Variants in LOX observed in about 807,000 individuals in gnomAD.
The protein encoded by LOX is lysyl oxidase.
A neutral mutation model predicts 50.5 loss-of-function variants in LOX; 12 were observed. The observed-to-expected ratio is 0.24, with a 90% confidence interval of 0.15 to 0.38. LOX has a LOEUF of 0.38. Ranked by LOEUF, LOX falls within the 10% of genes least tolerant of loss-of-function variation. The pLI is 1.00. For missense variants in LOX, 504 were observed against 563.8 expected (o/e 0.89, Z 1.07); for synonymous variants, 254 against 230.6 (o/e 1.10, Z -0.92).
In LOX at chr5:122,077,229, A is replaced by T; in HGVS notation, c.631+126T>A. On this transcript the variant is annotated intron_variant, in intron 1 of 6. Coordinates refer to ENST00000231004, the MANE Select transcript of LOX (RefSeq NM_002317.7). The surrounding 1 kb of genome is among the most constrained non-coding windows in gnomAD (Gnocchi z 4.9). ...CACTGGATTCCAGGGCTGCCACTGC[A>T]GGCGCGTGGGGGAGGGATCGGATCT... 1 of 1,503,452 alleles carries T rather than the reference A, an allele frequency of 6.7e-7. No homozygotes were observed. Among genetic ancestry groups the T allele is most frequent in the South Asian group, 1.3e-5 (1 of 76,024 alleles). 93.1% of individuals were successfully genotyped at this position (1,503,452 alleles called of 1,614,324 possible).
At position 122,076,951 on chromosome 5, in the gene LOX, C is replaced by A. The variant is rs749942260; in HGVS notation, c.682G>T (p.Val228Leu). 5 of 1,613,876 alleles carry A rather than the reference C, an allele frequency of 3.1e-6. No homozygotes were observed. Among genetic ancestry groups the A allele is most frequent in the Non-Finnish European group, 4.2e-6 (5 of 1,179,974 alleles). Residue 228 changes from valine (V) to leucine (L), a missense_variant, in exon 2 of 7, where the codon GTG becomes TTG. Around this residue, in one of 2 missense-constraint regions of LOX, gnomAD observed 398 missense variants for 365.8 expected, o/e 1.09. Coordinates refer to ENST00000231004, the MANE Select transcript of LOX (RefSeq NM_002317.7). ...AGGTTGTACATGGACATCTTCTGCA[C>A]GTACGTGGACGCCTGGATGTAGTAG... ...DPYYIQASTY[V>L]QKMSMYNLRC...
chr5:122,077,016 G>A lies in LOX; in HGVS notation c.632-15C>T, dbSNP rs1171446971. The A allele has an allele frequency of 1.2e-6, 2 of 1,611,812 alleles. No individual in the cohort carries two copies. The highest frequency in any genetic ancestry group is 1.1e-5 in the South Asian group (1 of 91,068). ...GTCTGGGAGACCTAAACGTCAGCAG[G>A]CGACGGGCGCAGCAGTGAAACAACC... On this transcript the variant is annotated splice_polypyrimidine_tract_variant and intron_variant, in intron 1 of 6. Coordinates refer to ENST00000231004, the MANE Select transcript of LOX (RefSeq NM_002317.7). This position sits in a 1 kb window ranked among gnomAD's most constrained non-coding sequence, Gnocchi z 4.9.
intron 3 of LOX, 45 bp from the exon 4 acceptor site, chr5:122,074,214 A>T: frequency 1.0e-5 from 16 of 1,542,538 alleles, no homozygotes; most frequent in Non-Finnish European, 1.4e-5. Flanking sequence ...TTACATACAG[A>T]GAAAGCAATG....
rs990458543 is a variant in LOX at position 122,077,152 on chromosome 5, G to A, written c.632-151C>T. 7 of 1,467,298 alleles carry A rather than the reference G, an allele frequency of 4.8e-6. No individual in the cohort carries two copies. In the African/African-American group the frequency reaches 9.9e-5, roughly 21 times the overall value. 90.9% of individuals were successfully genotyped at this position (1,467,298 alleles called of 1,614,324 possible). A position where few individuals can be genotyped will look rare whatever the true frequency, so the allele number is the denominator to read the frequency against. The stretch of plus-strand genomic sequence containing the variant: ...ACAGCAAGAGAACTGGGGACGCCCG[G>A]GACTGCAAAGCAATGTGAAAAGGAA... On this transcript the variant is annotated intron_variant, in intron 1 of 6. Transcript: ENST00000231004. The surrounding 1 kb of genome is among the most constrained non-coding windows in gnomAD (Gnocchi z 4.9).
At chr5:122,071,608 T>C (rs1231269425) in intron 4 of LOX, among the ~76,000 whole-genome samples, 1 of 152,178 alleles carries the variant, frequency 6.6e-6, no homozygotes, top group Non-Finnish European at 1.5e-5. Flanking sequence ...TTTCCTCAGA[T>C]TGGAGTCTGT....
chr5:122,072,111 AT>A (rs1561418397), intron 4 of LOX, among the ~76,000 whole-genome samples: 1 of 152,204 alleles, frequency 6.6e-6, no homozygotes, highest in East Asian at 1.9e-4. Flanking sequence ...TACTACCACA[AT>A]GTTCATGACA....
chr5:122,069,055 C>T (rs1274898914), intron 6 of LOX, among the ~76,000 whole-genome samples: 1 of 152,050 alleles, frequency 6.6e-6, no homozygotes, highest in Non-Finnish European at 1.5e-5. Flanking sequence ...TTTTTCAGTG[C>T]TATCCTTTTG....
Position 122,076,955 on chromosome 5 carries a change from C to G in LOX, c.678G>C (p.Thr226=). The part of the protein sequence containing the change: ...VADPYYIQAS[T]YVQKMSMYNL... ...TGTACATGGACATCTTCTGCACGTA[C>G]GTGGACGCCTGGATGTAGTAGGGGT... Residue 226 remains threonine, a synonymous_variant, in exon 2 of 7, where the codon ACG becomes ACC. Coordinates refer to ENST00000231004, the MANE Select transcript of LOX (RefSeq NM_002317.7). 3.1e-6 allele frequency: 5 copies of G among 1,613,978 alleles called. No individual in the cohort carries two copies. Among genetic ancestry groups the G allele is most frequent in the South Asian group, 1.1e-5 (1 of 91,078 alleles).
intron 4 of LOX, among the ~76,000 whole-genome samples, chr5:122,073,270 C>T (rs549072787): frequency 4.6e-5 from 7 of 152,284 alleles, no homozygotes; most frequent in Admixed American, 4.6e-4. Context: ...TTTTAACTGA[C>T]ACGCATTTTC....
At position 122,077,775 on chromosome 5, in the gene LOX, C is replaced by T. The variant is rs777539218; in HGVS notation, c.211G>A (p.Asp71Asn). The change falls in exon 1 of 7, where the codon GAC becomes AAC. Residue 71 changes from aspartate (D) to asparagine (N), a missense_variant. By Grantham distance (23) the Asp-to-Asn change is conservative. Transcript: ENST00000231004. This position sits in a 1 kb window ranked among gnomAD's most constrained non-coding sequence, Gnocchi z 4.9. ...GSQYQPQRRR[D>N]PGAAVPGAAN... ...GCACCAGGGACGGCGGCGCCCGGGT[C>T]CCGGCGGCGCTGAGGCTGGTACTGT... The T allele has an allele frequency of 6.5e-6, 10 of 1,548,904 alleles. No homozygotes were observed. In the South Asian group the frequency reaches 1.2e-4, roughly 18 times the overall value.
chr5:122,074,207 C>T, intron 3 of LOX, 38 bp from the exon 4 acceptor site: 2 of 1,572,716 alleles, frequency 1.3e-6, no homozygotes, highest in East Asian at 2.3e-5. Flanking sequence ...TGGTCAGTTA[C>T]ATACAGAGAA....
intron 4 of LOX, among the ~76,000 whole-genome samples, chr5:122,072,528 A>C (rs1754479291): frequency 6.6e-6 from 1 of 152,178 alleles, no homozygotes; most frequent in Admixed American, 6.5e-5. Context: ...TAAAAGTATA[A>C]ATCTAAAGAA....
chr5:122,066,497 T>C lies in LOX; in HGVS notation c.*246A>G, dbSNP rs1458310486. The C allele has an allele frequency of 7.2e-6, 3 of 416,182 alleles. No homozygotes were observed. 25.8% of individuals were successfully genotyped at this position (416,182 alleles called of 1,614,324 possible). A position where few individuals can be genotyped will look rare whatever the true frequency, so the allele number is the denominator to read the frequency against. On this transcript the variant is annotated 3_prime_UTR_variant, in exon 7 of 7. Coordinates refer to ENST00000231004, the MANE Select transcript of LOX (RefSeq NM_002317.7). ...AAGAGTCAAATATGTAATTACAGAA[T>C]TGAAACACTGTGTTAATTCACAAAG... is the stretch of plus-strand genomic sequence containing the variant.
chr5:122,075,502 C>T lies in LOX; in HGVS notation c.780G>A (p.Arg260=), dbSNP rs1462860806. The T allele has an allele frequency of 1.9e-6, 3 of 1,612,480 alleles. No individual in the cohort carries two copies. The highest frequency in any genetic ancestry group is 1.7e-5 in the Admixed American group (1 of 59,790). Reference sequence around the variant, plus strand: ...CTCTTTGGGGAAATCTGAGCAGCACCCTGTGATCATAATCTCTGACATCTG... The same window carrying T: ...CTCTTTGGGGAAATCTGAGCAGCACTCTGTGATCATAATCTCTGACATCTG... The part of the protein sequence containing the change: ...YRADVRDYDH[R]VLLRFPQRVK... Residue 260 remains arginine, a synonymous_variant, in exon 3 of 7, where the codon AGG becomes AGA. Coordinates refer to ENST00000231004, the MANE Select transcript of LOX (RefSeq NM_002317.7).
intron 4 of LOX, 46 bp from the exon 5 acceptor site, chr5:122,070,635 G>A (rs1754423218): frequency 1.0e-6 from 1 of 985,504 alleles, no homozygotes; most frequent in Non-Finnish European, 1.6e-6. Flanking sequence ...TATGTGGTCA[G>A]ACTATGATAA....
rs768485680 is a variant in LOX, at chr5:122,074,100, A to G, written c.948T>C (p.Ala316=). 3 of 1,613,938 alleles carry G rather than the reference A, an allele frequency of 1.9e-6. No individual in the cohort carries two copies. The highest frequency in any genetic ancestry group is 2.5e-6 in the Non-Finnish European group (3 of 1,179,908). ...GACAGAAACTTGCTTTGTGGCCTTC[A>G]GCCACTCTCCTCTGGGTGTTGGCAT... ...LLDANTQRRV[A]EGHKASFCLE... Residue 316 remains alanine (A), a synonymous_variant, in exon 4 of 7, where the codon GCT becomes GCC. Transcript: ENST00000231004.
Position 122,078,227 on chromosome 5 carries a change from C to T in LOX, c.-242G>A, listed in dbSNP as rs1182465064. 25 of 406,476 alleles carry T rather than the reference C, an allele frequency of 6.2e-5. No homozygotes were observed. The highest frequency in any genetic ancestry group is 2.1e-5 in the African/African-American group (1 of 48,180). The allele number at this position is 406,476 out of a possible 1,614,324, so 25.2% of individuals were successfully genotyped here. On this transcript the variant is annotated 5_prime_UTR_variant, in exon 1 of 7. Coordinates refer to ENST00000231004, the MANE Select transcript of LOX (RefSeq NM_002317.7). ...CTCAGTCCTGGAAGGCAACGGGGAG[C>T]GGCGCGGCAGTCCCGGAGAGCGGGC...
At chr5:122,076,175 G>A (rs1754624828) in intron 2 of LOX, 1 of 152,226 alleles carries the variant, frequency 6.6e-6, no homozygotes, top group African/African-American at 2.4e-5. Context: ...ATTATAAAGG[G>A]TCAAAGTGGA....
chr5:122,065,618 C>T lies in LOX; in HGVS notation c.*1125G>A. On this transcript the variant is annotated 3_prime_UTR_variant, in exon 7 of 7. Transcript: ENST00000231004. The stretch of plus-strand genomic sequence containing the variant: ...ATTTAGACTATATCTCAGACACACA[C>T]ACATGTGTGACTGATTCCTGAATAA... The T allele has an allele frequency of 6.6e-6, 1 of 152,040 alleles. No homozygotes were observed. The highest frequency in any genetic ancestry group is 1.9e-4 in the East Asian group (1 of 5,176). 9.4% of individuals were successfully genotyped at this position (152,040 alleles called of 1,614,324 possible). A position where few individuals can be genotyped will look rare whatever the true frequency, so the allele number is the denominator to read the frequency against.
Sources: allele counts gnomAD v4.1 joint callset (sites outside exome capture counted in the v4.1 genomes callset), GRCh38; gene constraint gnomAD v4.1.1; regional missense constraint gnomAD v4.1.1; non-coding constraint Gnocchi (gnomAD v3.1); transcripts MANE v1.5; gene names NCBI Gene and HGNC (gene_info 2026-07-23, HGNC 2026-07-21).